PCYOX1: variants seen among roughly 807,000 people sequenced by gnomAD.
PCYOX1 encodes prenylcysteine lyase.
Under a neutral mutation model 46.4 loss-of-function variants are expected in PCYOX1, and 46 were observed. The ratio of observed to expected loss-of-function variants is 0.99; its 90% confidence interval spans 0.78 to 1.27. PCYOX1 has a LOEUF of 1.27. Among genes scored for constraint, PCYOX1 ranks in the 50% most tolerant of loss-of-function variants. The probability of loss-of-function intolerance (pLI) is 0.00; values close to 1 mark genes in which losing one functional copy is unlikely to be tolerated. For missense variants in PCYOX1, 658 were observed against 628.3 expected (o/e 1.05, Z -0.51); for synonymous variants, 220 against 231.8 (o/e 0.95, Z 0.46).
chr2:70,276,947 G>A lies in PCYOX1; in HGVS notation c.1073G>A (p.Ser358Asn). 6.2e-7 allele frequency: 1 copy of A among 1,612,558 alleles called. No homozygotes were observed. Among genetic ancestry groups the A allele is most frequent in the South Asian group, 1.1e-5 (1 of 91,054 alleles). Residue 358 changes from serine (S) to asparagine (N), a missense_variant, in exon 6 of 6, where the codon AGC becomes AAC. By Grantham distance (46) the Ser-to-Asn change is conservative (BLOSUM62 1). Coordinates refer to ENST00000433351, the MANE Select transcript of PCYOX1 (RefSeq NM_016297.4). ...VKGELNTSIF[S>N]SRPIDKFGLN... ...GGGGAATTGAATACATCTATCTTTA[G>A]CTCTAGACCCATAGATAAATTTGGC...
At chr2:70,260,387 T>TA (rs1696418762) in intron 2 of PCYOX1, among the ~76,000 whole-genome samples, 1 of 151,960 alleles carries the variant, frequency 6.6e-6, no homozygotes, top group African/African-American at 2.4e-5. Context: ...TTACTAAAAA[T>TA]AAAAAAGTTA....
chr2:70,272,464 GT>G (rs1696615502), intron 3 of PCYOX1, among the ~76,000 whole-genome samples: 1 of 151,964 alleles, frequency 6.6e-6, no homozygotes, highest in Admixed American at 6.6e-5. Context: ...GTCTTGCTAT[GT>G]TGCCCAGGCT....
chr2:70,260,465 G>T (rs1042821076), intron 2 of PCYOX1, among the ~76,000 whole-genome samples: 13 of 152,148 alleles, frequency 8.5e-5, no homozygotes, highest in African/African-American at 3.1e-4. Context: ...GATCCCTTGA[G>T]CCTGGGAGAT....
At chr2:70,264,222 C>A (rs903300336) in intron 3 of PCYOX1, among the ~76,000 whole-genome samples, 9 of 151,802 alleles carry the variant, frequency 5.9e-5, no homozygotes, top group African/African-American at 2.2e-4. Flanking sequence ...ACCTGGGCCT[C>A]CCAAAGTGTT....
chr2:70,264,036 C>G (rs1301706657), intron 3 of PCYOX1, among the ~76,000 whole-genome samples: 2 of 146,116 alleles, frequency 1.4e-5, no homozygotes, highest in Admixed American at 7.1e-5. Flanking sequence ...GATCATGGCT[C>G]ACTGCAGCCT....
intron 5 of PCYOX1, among the ~76,000 whole-genome samples, chr2:70,276,218 C>T (rs548081846): frequency 2.0e-5 from 3 of 151,544 alleles, no homozygotes; most frequent in African/African-American, 4.8e-5. Flanking sequence ...TTGCCCAGGC[C>T]GGACTGTAGT....
chr2:70,274,568 CTTT>C (rs201522757), intron 3 of PCYOX1, among the ~76,000 whole-genome samples: 1 of 94,386 alleles, frequency 1.1e-5, no homozygotes. Context: ...TTTTTTTTTT[CTTT>C]TTTTTTTTTT....
chr2:70,279,603 C>T lies in PCYOX1; in HGVS notation c.*2211C>T, dbSNP rs1253677552. On this transcript the variant is annotated 3_prime_UTR_variant, in exon 6 of 6. Transcript: ENST00000433351. ...TGGCCAACATGGTGAAACCCCATCT[C>T]TACTGAATACACAAAAATTGGCTGG... The T allele has an allele frequency of 6.6e-6, 1 of 151,732 alleles. No individual in the cohort carries two copies. The highest frequency in any genetic ancestry group is 1.5e-5 in the Non-Finnish European group (1 of 67,986). 9.4% of individuals were successfully genotyped at this position (151,732 alleles called of 1,614,324 possible). A position where few individuals can be genotyped will look rare whatever the true frequency, so the allele number is the denominator to read the frequency against.
Position 70,259,345 on chromosome 2 carries a change from T to A in PCYOX1, c.113-15T>A, listed in dbSNP as rs1381180773. 1 of 1,609,864 alleles carries A rather than the reference T, an allele frequency of 6.2e-7. No individual in the cohort carries two copies. Among genetic ancestry groups the A allele is most frequent in the South Asian group, 1.1e-5 (1 of 90,974 alleles). ...AAAAGGGGAAAATATAATCTTCTGT[T>A]TTTTTCCCTCATAGCGATTATTGGA... On this transcript the variant is annotated splice_polypyrimidine_tract_variant and intron_variant, in intron 1 of 5. Coordinates refer to ENST00000433351, the MANE Select transcript of PCYOX1 (RefSeq NM_016297.4).
At position 70,280,720 on chromosome 2, in the gene PCYOX1, A is replaced by T. The variant is rs936746990; in HGVS notation, c.*3328A>T. 6.6e-6 allele frequency: 1 copy of T among 152,150 alleles called. No homozygotes were observed. Among genetic ancestry groups the T allele is most frequent in the Non-Finnish European group, 1.5e-5 (1 of 68,018 alleles). 9.4% of individuals were successfully genotyped at this position (152,150 alleles called of 1,614,324 possible). A position where few individuals can be genotyped will look rare whatever the true frequency, so the allele number is the denominator to read the frequency against. ...ACATCAGTTCTCCTTATTGATTGTT[A>T]GTTTGATCCCTCTTGTTCTTTTGTT... On this transcript the variant is annotated 3_prime_UTR_variant, in exon 6 of 6. Coordinates refer to ENST00000433351, the MANE Select transcript of PCYOX1 (RefSeq NM_016297.4).
In PCYOX1 at chr2:70,279,134, T is replaced by C. The variant is rs2104903206; in HGVS notation, c.*1742T>C. On this transcript the variant is annotated 3_prime_UTR_variant, in exon 6 of 6. Transcript: ENST00000433351. ...CCATTGAATAGAAACTTCAAAGTCC[T>C]TCATCAGATCATGGCATTAGCTACT... 6.6e-6 allele frequency: 1 copy of C among 152,270 alleles called. No homozygotes were observed. Among genetic ancestry groups the C allele is most frequent in the East Asian group, 1.9e-4 (1 of 5,186 alleles). The allele number at this position is 152,270 out of a possible 1,614,324, so 9.4% of individuals were successfully genotyped here.
In PCYOX1 at chr2:70,258,240, G is replaced by T. The variant is rs751585124; in HGVS notation, c.76G>T (p.Glu26Ter). 1 of 1,594,936 alleles carries T rather than the reference G, an allele frequency of 6.3e-7. No individual in the cohort carries two copies. The highest frequency in any genetic ancestry group is 1.1e-5 in the South Asian group (1 of 90,350). ...GTTGCTGTGCAGCTGCGGATGCCCC[G>T]AGGGCGCCGAGCTGCGTGCTCCGCC... is the stretch of plus-strand genomic sequence containing the variant. ...WLLLCSCGCP[E>*]GAELRAPPDK... Residue 26 changes from glutamate to a stop codon, truncating the protein, a stop_gained, in exon 1 of 6, where the codon GAG becomes TAG. Transcript: ENST00000433351. LOFTEE classifies it high-confidence loss of function.
rs1343362999 is a variant in PCYOX1 at position 70,280,707 on chromosome 2, CTTAT to C, written c.*3317_*3320del. On this transcript the variant is annotated 3_prime_UTR_variant, in exon 6 of 6. Coordinates refer to ENST00000433351, the MANE Select transcript of PCYOX1 (RefSeq NM_016297.4). The stretch of plus-strand genomic sequence containing the variant: ...TGTATGGGACTTCACATCAGTTCTC[CTTAT>C]TGATTGTTAGTTTGATCCCTCTTGT... 2 of 152,098 alleles carry C rather than the reference CTTAT, an allele frequency of 1.3e-5. No homozygotes were observed. Among genetic ancestry groups the C allele is most frequent in the African/African-American group, 4.8e-5 (2 of 41,420 alleles). The allele number at this position is 152,098 out of a possible 1,614,324, so 9.4% of individuals were successfully genotyped here.
chr2:70,259,481 G>A lies in PCYOX1; in HGVS notation c.234G>A (p.Met78Ile). Residue 78 changes from methionine to isoleucine, a missense_variant, in exon 2 of 6, where the codon ATG becomes ATA. Coordinates refer to ENST00000433351, the MANE Select transcript of PCYOX1 (RefSeq NM_016297.4). Reference sequence around the variant, plus strand: ...AGGTCGGGGGCCGCCTGGCTACCATGATGGTGCAGGGGCAAGAATACGAGG... The same window carrying A: ...AGGTCGGGGGCCGCCTGGCTACCATAATGGTGCAGGGGCAAGAATACGAGG... The part of the protein sequence containing the change: ...REEVGGRLAT[M>I]MVQGQEYEAG... 6.2e-7 allele frequency: 1 copy of A among 1,614,106 alleles called. No homozygotes were observed. Among genetic ancestry groups the A allele is most frequent in the Non-Finnish European group, 8.5e-7 (1 of 1,180,012 alleles).
intron 5 of PCYOX1, among the ~76,000 whole-genome samples, chr2:70,276,236 C>T (rs2104900723): frequency 6.7e-6 from 1 of 150,340 alleles, no homozygotes; most frequent in Admixed American, 6.6e-5. Flanking sequence ...AGTGGCCTAT[C>T]TCGGCTCACT....
chr2:70,258,740 G>T (rs1696385507), intron 1 of PCYOX1, among the ~76,000 whole-genome samples: 1 of 152,220 alleles, frequency 6.6e-6, no homozygotes. Context: ...TCCCTTGGGA[G>T]GCTGAACCGC....
chr2:70,267,068 C>T (rs1696534966), intron 3 of PCYOX1, among the ~76,000 whole-genome samples: 1 of 151,666 alleles, frequency 6.6e-6, no homozygotes, highest in Non-Finnish European at 1.5e-5. Flanking sequence ...CCTCACTTCT[C>T]AGAGAGGGCG....
intron 3 of PCYOX1, among the ~76,000 whole-genome samples, chr2:70,263,314 T>G (rs1389271585): frequency 6.6e-6 from 1 of 152,100 alleles, no homozygotes; most frequent in Non-Finnish European, 1.5e-5. Context: ...TTTCTCAACA[T>G]CATTCTTAGG....
intron 3 of PCYOX1, among the ~76,000 whole-genome samples, chr2:70,269,927 G>A (rs1696578417): frequency 6.6e-6 from 1 of 152,090 alleles, no homozygotes; most frequent in Admixed American, 6.5e-5. Context: ...CTTCTAGCTT[G>A]CTAGTTTCAC....
Sources: allele counts gnomAD v4.1 joint callset (sites outside exome capture counted in the v4.1 genomes callset), GRCh38; gene constraint gnomAD v4.1.1; transcripts MANE v1.5; gene names NCBI Gene and HGNC (gene_info 2026-07-23, HGNC 2026-07-21).